The following VPS13B variants were observed in gnomAD, a reference collection of about 807,000 sequenced individuals.
VPS13B encodes the protein vacuolar protein sorting 13 homolog B.
VPS13B carries 285 observed loss-of-function variants against 426.4 expected under a neutral mutation model. That is an observed-to-expected ratio of 0.67 (90% confidence interval 0.61 to 0.74). The LOEUF (loss-of-function observed/expected upper bound fraction) is 0.74, where lower values mean the gene tolerates loss of function less well. VPS13B is among the 30% of genes least tolerant of loss of function. The pLI is 0.00. For missense variants in VPS13B, 4,537 were observed against 4,782.6 expected (o/e 0.95, Z 1.51); for synonymous variants, 1,676 against 1,676.4 (o/e 1.00, Z 0.01).
chr8:99,861,636 G>T, intron 57 of VPS13B, 140 bp from the exon 58 acceptor site: 8 of 1,104,724 alleles, frequency 7.2e-6, no homozygotes, highest in Non-Finnish European at 9.4e-6. Context: ...TCTTCAAATT[G>T]CCTGAGAGGG....
At chr8:99,764,326 C>T (rs1442497438) in intron 39 of VPS13B, among the ~76,000 whole-genome samples, 3 of 151,464 alleles carry the variant, frequency 2.0e-5, no homozygotes, top group Non-Finnish European at 4.4e-5. Flanking sequence ...TTTTTTAAGA[C>T]ACATAGGATT....
At chr8:99,315,975 A>G (rs932701723) in intron 19 of VPS13B, among the ~76,000 whole-genome samples, 19 of 151,970 alleles carry the variant, frequency 1.3e-4, no homozygotes, top group Non-Finnish European at 2.4e-4. Flanking sequence ...GAAGGCTTTT[A>G]CCTGAAGATG....
chr8:99,095,138 C>G (rs1466838554), intron 3 of VPS13B, among the ~76,000 whole-genome samples: 1 of 152,138 alleles, frequency 6.6e-6, no homozygotes, highest in Non-Finnish European at 1.5e-5. Flanking sequence ...CACTTCTCTC[C>G]CTCTGTGGGA....
At chr8:99,482,128 C>CT (rs1820069390) in intron 25 of VPS13B, among the ~76,000 whole-genome samples, 1 of 152,250 alleles carries the variant, frequency 6.6e-6, no homozygotes, top group East Asian at 1.9e-4. Context: ...TCCCCTTTCC[C>CT]TACCTCTGTT....
At chr8:99,593,935 T>C (rs1007049546) in intron 33 of VPS13B, among the ~76,000 whole-genome samples, 1 of 151,364 alleles carries the variant, frequency 6.6e-6, no homozygotes, top group Non-Finnish European at 1.5e-5. Context: ...GGTGGAGAGA[T>C]GGAGAATATC....
intron 39 of VPS13B, among the ~76,000 whole-genome samples, chr8:99,739,862 A>C (rs890849877): frequency 7.2e-5 from 11 of 152,178 alleles, no homozygotes; most frequent in Non-Finnish European, 1.5e-4. Flanking sequence ...TAAAACCACA[A>C]AGATGTGGAA....
chr8:99,543,642 A>G (rs1433263255), intron 30 of VPS13B, among the ~76,000 whole-genome samples: 2 of 150,752 alleles, frequency 1.3e-5, no homozygotes, highest in East Asian at 3.9e-4. Flanking sequence ...CCCATCAAAA[A>G]GTGGGCAAAG....
intron 39 of VPS13B, among the ~76,000 whole-genome samples, chr8:99,764,382 C>A (rs1423756031): frequency 1.5e-5 from 2 of 130,778 alleles, no homozygotes; most frequent in Non-Finnish European, 1.7e-5. Context: ...TCCTAGATGT[C>A]TTTTTGTGTT....
At chr8:99,754,762 A>G (rs779842354) in intron 39 of VPS13B, among the ~76,000 whole-genome samples, 11 of 152,202 alleles carry the variant, frequency 7.2e-5, no homozygotes, top group Non-Finnish European at 1.5e-4. Context: ...TAAGTGCAGT[A>G]TATACTTTTA....
intron 61 of VPS13B, 60 bp from the exon 62 acceptor site, chr8:99,875,347 AAAAGAACTAAT>A: frequency 6.2e-7 from 1 of 1,605,110 alleles, no homozygotes; most frequent in Non-Finnish European, 8.5e-7. Flanking sequence ...ATATCGAGGC[AAAAGAACTAAT>A]TTTGTTCTGG....
intron 51 of VPS13B, among the ~76,000 whole-genome samples, chr8:99,830,021 T>C (rs1261636879): frequency 1.3e-5 from 2 of 152,192 alleles, no homozygotes; most frequent in African/African-American, 4.8e-5. Flanking sequence ...CTCTCCTGTA[T>C]GAGGTGTCTG....
intron 28 of VPS13B, among the ~76,000 whole-genome samples, chr8:99,508,742 A>C (rs1351008702): frequency 1.1e-4 from 16 of 152,046 alleles, no homozygotes; most frequent in Admixed American, 1.0e-3. Context: ...TTTTTTCTAA[A>C]TTTATAAATT....
intron 2 of VPS13B, among the ~76,000 whole-genome samples, chr8:99,030,608 A>G (rs1842466381): frequency 6.6e-6 from 1 of 152,188 alleles, no homozygotes; most frequent in South Asian, 2.1e-4. Context: ...AAAATGAATG[A>G]TCACGTTACT....
chr8:99,686,656 G>A (rs1175651365), intron 35 of VPS13B, among the ~76,000 whole-genome samples: 2 of 152,012 alleles, frequency 1.3e-5, no homozygotes, highest in Admixed American at 6.6e-5. Flanking sequence ...CCTGCAGCGA[G>A]TGCTACGTGG....
At chr8:99,374,844 C>G (rs1385343497) in intron 19 of VPS13B, among the ~76,000 whole-genome samples, 1 of 152,152 alleles carries the variant, frequency 6.6e-6, no homozygotes, top group Non-Finnish European at 1.5e-5. Context: ...CTGCTTAGTT[C>G]TCCTGATACA....
intron 61 of VPS13B, among the ~76,000 whole-genome samples, chr8:99,873,999 T>C (rs1218145141): frequency 1.3e-5 from 2 of 152,274 alleles, no homozygotes; most frequent in African/African-American, 4.8e-5. Flanking sequence ...GATGACATCA[T>C]GCAGTACATT....
chr8:99,360,120 ATCTT>A (rs772269369), intron 19 of VPS13B, among the ~76,000 whole-genome samples: 6,120 of 61,600 alleles, frequency 0.099, 604 homozygotes, highest in Non-Finnish European at 0.14. Flanking sequence ...TTTTTTCCTT[ATCTT>A]TCTTTCTTTC....
intron 29 of VPS13B, among the ~76,000 whole-genome samples, chr8:99,519,049 A>G (rs1416951127): frequency 6.6e-6 from 1 of 152,238 alleles, no homozygotes; most frequent in Non-Finnish European, 1.5e-5. Flanking sequence ...CAGCTACTAT[A>G]GTAGAATCAT....
intron 19 of VPS13B, among the ~76,000 whole-genome samples, chr8:99,381,241 T>C (rs1813786823): frequency 1.3e-5 from 2 of 152,200 alleles, no homozygotes; most frequent in Non-Finnish European, 2.9e-5. Context: ...GATCTTGTTC[T>C]TTTTTATGGC....
Sources: gnomAD v4.1 joint callset for allele counts (sites outside exome capture counted in the v4.1 genomes callset) on GRCh38, gnomAD v4.1.1 for gene constraint, MANE v1.5 for transcripts, NCBI Gene and HGNC (gene_info 2026-07-23, HGNC 2026-07-21) for gene names.